GPC6: variants seen among roughly 807,000 people sequenced by gnomAD.
GPC6 encodes glypican 6.
Under a neutral mutation model 55.2 loss-of-function variants are expected in GPC6, and 14 were observed. That is an observed-to-expected ratio of 0.25 (90% CI 0.17 to 0.40). The LOEUF (loss-of-function observed/expected upper bound fraction) is 0.40, where lower values mean the gene tolerates loss of function less well. Ranked by LOEUF, GPC6 falls within the 10% of genes least tolerant of loss-of-function variation. GPC6 has a pLI of 1.00. For missense variants in GPC6, 641 were observed against 708.5 expected, an observed-to-expected ratio of 0.90 and a Z score of 1.08; for synonymous variants, 278 against 259.6, an observed-to-expected ratio of 1.07 and a Z score of -0.68.
intron 2 of GPC6, among the ~76,000 whole-genome samples, chr13:93,753,119 G>C (rs970816276): frequency 2.6e-5 from 4 of 152,194 alleles, no homozygotes; most frequent in Admixed American, 6.5e-5. Context: ...ATTCAGAATG[G>C]ATTATTCCTT....
intron 3 of GPC6, among the ~76,000 whole-genome samples, chr13:93,905,397 T>C (rs1376296015): frequency 6.6e-6 from 1 of 152,200 alleles, no homozygotes; most frequent in African/African-American, 2.4e-5. Flanking sequence ...GAAAGGTAGC[T>C]ATTATTATAT....
At chr13:94,182,219 A>G (rs1431550014) in intron 4 of GPC6, among the ~76,000 whole-genome samples, 2 of 151,682 alleles carry the variant, frequency 1.3e-5, no homozygotes, top group African/African-American at 2.4e-5. Context: ...TTTTTTAAAG[A>G]TAAATGCTCA....
chr13:93,350,475 A>G (rs1880595386), intron 1 of GPC6, among the ~76,000 whole-genome samples: 2 of 152,176 alleles, frequency 1.3e-5, no homozygotes, highest in Non-Finnish European at 2.9e-5. Context: ...CTTAGTAGCT[A>G]TGACAATTAA....
chr13:94,389,867 G>A (rs1437084416), intron 7 of GPC6, among the ~76,000 whole-genome samples: 1 of 152,212 alleles, frequency 6.6e-6, no homozygotes, highest in Non-Finnish European at 1.5e-5. Flanking sequence ...CTTTCACTGT[G>A]TCCTTTCTTT....
At chr13:94,015,921 C>A (rs562322658) in intron 3 of GPC6, among the ~76,000 whole-genome samples, 2 of 152,314 alleles carry the variant, frequency 1.3e-5, no homozygotes, top group Admixed American at 1.3e-4. Flanking sequence ...GCATAACACT[C>A]TTAGAATTTT....
intron 1 of GPC6, among the ~76,000 whole-genome samples, chr13:93,313,587 G>A (rs1305471954): frequency 6.6e-6 from 1 of 152,090 alleles, no homozygotes; most frequent in Non-Finnish European, 1.5e-5. Context: ...CCACTCCGGT[G>A]TAACCCGTGT....
intron 4 of GPC6, among the ~76,000 whole-genome samples, chr13:94,179,613 C>G (rs1888912693): frequency 6.6e-6 from 1 of 152,108 alleles, no homozygotes. Flanking sequence ...CTAATTCCTA[C>G]CTATTCATTG....
chr13:93,435,983 T>C (rs1187143525), intron 1 of GPC6, among the ~76,000 whole-genome samples: 1 of 152,140 alleles, frequency 6.6e-6, no homozygotes, highest in Non-Finnish European at 1.5e-5. Flanking sequence ...TCAGAGAAAG[T>C]CACCTCGCTG....
At chr13:93,819,234 G>C (rs1886961754) in intron 2 of GPC6, among the ~76,000 whole-genome samples, 1 of 151,942 alleles carries the variant, frequency 6.6e-6, no homozygotes, top group African/African-American at 2.4e-5. Context: ...CTGGCTTTTA[G>C]CAAAAAACTA....
In GPC6 at chr13:94,407,503, AAAC is replaced by A. The variant is rs1881416621; in HGVS notation, c.*4295_*4297del. The A allele has an allele frequency of 6.6e-6, 1 of 152,170 alleles. No individual in the cohort carries two copies. The highest frequency in any genetic ancestry group is 6.5e-5 in the Admixed American group (1 of 15,276). 9.4% of individuals were successfully genotyped at this position (152,170 alleles called of 1,614,324 possible). On this transcript the variant is annotated 3_prime_UTR_variant, in exon 9 of 9. Transcript: ENST00000377047. ...CATTTTTAGAAGCTTCAATATTAAA[AAAC>A]AACAACAAACCTCGTATATTAAAAC...
At chr13:93,274,624 A>T (rs1594066647) in intron 1 of GPC6, among the ~76,000 whole-genome samples, 1 of 152,334 alleles carries the variant, frequency 6.6e-6, no homozygotes, top group Non-Finnish European at 1.5e-5. Flanking sequence ...GACTATTTTC[A>T]TCTGAAAAAC....
At chr13:93,911,677 C>T (rs1390324656) in intron 3 of GPC6, among the ~76,000 whole-genome samples, 1 of 152,138 alleles carries the variant, frequency 6.6e-6, no homozygotes, top group African/African-American at 2.4e-5. Flanking sequence ...ATTTACTAAC[C>T]GTTTGACCTT....
chr13:93,444,582 G>C (rs922165593), intron 1 of GPC6, among the ~76,000 whole-genome samples: 2 of 152,114 alleles, frequency 1.3e-5, no homozygotes, highest in Non-Finnish European at 2.9e-5. Flanking sequence ...ACTCCAGCCT[G>C]GGTGACAGAG....
chr13:93,394,535 T>C (rs2762115), intron 1 of GPC6, among the ~76,000 whole-genome samples: 102,767 of 152,034 alleles, frequency 0.68, 35,944 homozygotes, highest in Non-Finnish European at 0.77. Context: ...TATTGGTTTC[T>C]TGCTTTCTAT....
chr13:93,676,105 CTAAAAAAAAAA>C (rs1881580450), intron 2 of GPC6, among the ~76,000 whole-genome samples: 1 of 10,240 alleles, frequency 9.8e-5, no homozygotes, highest in Admixed American at 1.4e-3. Context: ...ACTGTTTCTA[CTAAAAAAAAAA>C]AAAAAAAAAA....
intron 2 of GPC6, among the ~76,000 whole-genome samples, chr13:93,770,979 G>T (rs1003955123): frequency 2.6e-5 from 4 of 151,784 alleles, no homozygotes; most frequent in Admixed American, 6.6e-5. Flanking sequence ...GATGTGCTTT[G>T]TAACATCATC....
chr13:93,325,010 G>A (rs1422918620), intron 1 of GPC6, among the ~76,000 whole-genome samples: 1 of 152,032 alleles, frequency 6.6e-6, no homozygotes, highest in Non-Finnish European at 1.5e-5. Flanking sequence ...AACGAAAAAA[G>A]GAATTCATGC....
chr13:93,724,901 C>T (rs1883579616), intron 2 of GPC6, among the ~76,000 whole-genome samples: 1 of 151,940 alleles, frequency 6.6e-6, no homozygotes, highest in Non-Finnish European at 1.5e-5. Context: ...ATCATCTTCT[C>T]TAAAATGTTT....
At chr13:93,316,932 G>A (rs566134524) in intron 1 of GPC6, among the ~76,000 whole-genome samples, 1 of 152,214 alleles carries the variant, frequency 6.6e-6, no homozygotes, top group East Asian at 1.9e-4. Flanking sequence ...TAGTGCTTAA[G>A]CTGTCATTAT....
Sources: allele counts gnomAD v4.1 joint callset (sites outside exome capture counted in the v4.1 genomes callset), GRCh38; gene constraint gnomAD v4.1.1; transcripts MANE v1.5; gene names NCBI Gene and HGNC (gene_info 2026-07-23, HGNC 2026-07-21).